Variants in COG1 observed in about 807,000 individuals in gnomAD.
COG1 encodes the protein conserved oligomeric Golgi complex subunit 1.
Under a neutral mutation model 102.2 loss-of-function variants are expected in COG1, and 61 were observed. The observed-to-expected ratio is 0.60, with a 90% CI of 0.49 to 0.74. The LOEUF is 0.74. Ranked by LOEUF, COG1 falls within the 30% of genes least tolerant of loss-of-function variation. The pLI, the probability that COG1 is intolerant of heterozygous loss-of-function variation, is 0.00. For missense variants in COG1, 1,164 were observed against 1,232.1 expected (o/e 0.94, Z 0.83); for synonymous variants, 454 against 493.6 (o/e 0.92, Z 1.06).
intron 4 of COG1, among the ~76,000 whole-genome samples, chr17:73,199,381 G>A (rs2061337425): frequency 6.6e-6 from 1 of 152,062 alleles, no homozygotes; most frequent in Non-Finnish European, 1.5e-5. Flanking sequence ...TTTGATCCCC[G>A]TTTTTGTTTC....
In COG1 at chr17:73,201,565, C is replaced by G; in HGVS notation, c.1738C>G (p.His580Asp). 2 of 1,614,218 alleles carry G rather than the reference C, an allele frequency of 1.2e-6. No individual in the cohort carries two copies. Among genetic ancestry groups the G allele is most frequent in the Non-Finnish European group, 1.7e-6 (2 of 1,180,040 alleles). ...LRTQSVACIK[H>D]IVDCIRAELQ... ...GACTCAGTCCGTGGCATGCATCAAG[C>G]ACATCGTGGACTGCATCCGGGCAGA... Residue 580 changes from histidine to aspartate, a missense_variant, in exon 7 of 14, where the codon CAC (histidine) becomes GAC (aspartate). By Grantham distance (81) the His-to-Asp change is moderately conservative. Coordinates refer to ENST00000299886, the MANE Select transcript of COG1 (RefSeq NM_018714.3).
intron 7 of COG1, among the ~76,000 whole-genome samples, chr17:73,202,619 A>G (rs534560861): frequency 1.9e-4 from 29 of 152,068 alleles, no homozygotes; most frequent in Non-Finnish European, 1.0e-4. Flanking sequence ...GAAACCCCCT[A>G]TCTACAAAAA....
At chr17:73,194,687 C>T (rs920472504) in intron 1 of COG1, among the ~76,000 whole-genome samples, 4 of 152,032 alleles carry the variant, frequency 2.6e-5, no homozygotes, top group Non-Finnish European at 5.9e-5. Flanking sequence ...TGGTCTCCAA[C>T]CCCTGACCTC....
intron 8 of COG1, 191 bp from the exon 9 acceptor site, chr17:73,203,441 G>C: frequency 1.3e-6 from 1 of 750,068 alleles, no homozygotes; most frequent in Non-Finnish European, 2.2e-6. Flanking sequence ...GCCTCAGACC[G>C]TGGAGGCAGT....
At position 73,203,682 on chromosome 17, in the gene COG1, T is replaced by A; in HGVS notation, c.2271T>A (p.Asn757Lys). ...TGTTTAGTTTATGCCAGGAAATTAA[T>A]CGGGTTGGAGGCCATGCCTTGCCAA... ...SFLFSLCQEI[N>K]RVGGHALPKV... Residue 757 changes from asparagine (N) to lysine (K), a missense_variant, in exon 9 of 14, where the codon AAT becomes AAA. Coordinates refer to ENST00000299886, the MANE Select transcript of COG1 (RefSeq NM_018714.3). 6.2e-7 allele frequency: 1 copy of A among 1,614,224 alleles called. No homozygotes were observed. Among genetic ancestry groups the A allele is most frequent in the Non-Finnish European group, 8.5e-7 (1 of 1,180,032 alleles).
intron 8 of COG1, chr17:73,203,372 GGAACCACTTACTTGCCGT>G: frequency 1.4e-6 from 1 of 713,064 alleles, no homozygotes; most frequent in Non-Finnish European, 2.3e-6. Flanking sequence ...TGCTAATTAG[GGAACCACTTACTTGCCGT>G]GAAATCAGCA....
intron 4 of COG1, 96 bp downstream of exon 4, chr17:73,197,492 A>T (rs1009963922): frequency 1.4e-6 from 2 of 1,379,360 alleles, no homozygotes; most frequent in Non-Finnish European, 1.0e-6. Flanking sequence ...GGCTCTGGGG[A>T]TGGAGCAGTG....
At chr17:73,207,870 C>T (rs1023185106) in intron 13 of COG1, 7 of 1,201,728 alleles carry the variant, frequency 5.8e-6, no homozygotes, top group African/African-American at 4.8e-5. Flanking sequence ...TCCCTACCAT[C>T]GAACCCATTA....
chr17:73,208,268 G>C, intron 13 of COG1, 46 bp from the exon 14 acceptor site: 2 of 1,611,568 alleles, frequency 1.2e-6, no homozygotes, highest in Non-Finnish European at 1.7e-6. Flanking sequence ...GTGGGCAGGA[G>C]GGCTCAGGCC....
chr17:73,206,471 A>T (rs1397774756), intron 11 of COG1, among the ~76,000 whole-genome samples: 2 of 152,134 alleles, frequency 1.3e-5, no homozygotes, highest in African/African-American at 4.8e-5. Context: ...TAAGTTGTAA[A>T]TAAGGATTAT....
chr17:73,208,086 T>C (rs2061390122), intron 13 of COG1: 2 of 1,426,538 alleles, frequency 1.4e-6, no homozygotes, highest in Non-Finnish European at 9.2e-7. Flanking sequence ...GTCTACCCTT[T>C]TCCCAAGACA....
chr17:73,207,972 C>T, intron 13 of COG1: 1 of 1,251,054 alleles, frequency 8.0e-7, no homozygotes. Flanking sequence ...CATCCAGTCC[C>T]TAAGCATGGG....
At chr17:73,203,465 A>C (rs1020332936) in intron 8 of COG1, 167 bp from the exon 9 acceptor site, 7 of 844,060 alleles carry the variant, frequency 8.3e-6, no homozygotes, top group Non-Finnish European at 7.7e-6. Context: ...AGCAAATTGC[A>C]CTTAACCAGG....
At chr17:73,202,231 C>T (rs908406546) in intron 7 of COG1, among the ~76,000 whole-genome samples, 2 of 151,954 alleles carry the variant, frequency 1.3e-5, no homozygotes, top group African/African-American at 2.4e-5. Flanking sequence ...CCCAGCTACT[C>T]GGAAGGCTGA....
intron 13 of COG1, 200 bp downstream of exon 13, chr17:73,207,456 C>T: frequency 1.4e-6 from 1 of 695,084 alleles, no homozygotes; most frequent in Non-Finnish European, 2.6e-6. Context: ...TGCCCGCTGA[C>T]ACTACCAAGT....
At position 73,205,607 on chromosome 17, in the gene COG1, C is replaced by G; in HGVS notation, c.2437C>G (p.Leu813Val). The G allele has an allele frequency of 6.2e-7, 1 of 1,614,140 alleles. No homozygotes were observed. Among genetic ancestry groups the G allele is most frequent in the Non-Finnish European group, 8.5e-7 (1 of 1,180,020 alleles). ...QNRALQLLYDLRYLNIVLTAK... is the reference protein window; with the variant it reads ...QNRALQLLYDVRYLNIVLTAK... The stretch of plus-strand genomic sequence containing the variant: ...CCGGGCGCTGCAGCTGCTTTATGAT[C>G]TGCGTTACCTCAACATTGTTCTGAC... Residue 813 changes from leucine (L) to valine (V), a missense_variant, in exon 10 of 14, where the codon CTG becomes GTG. By Grantham distance (32) the Leu-to-Val change is conservative. Transcript: ENST00000299886.
rs2061356261 is a variant in COG1 at position 73,203,676 on chromosome 17, A to C, written c.2265A>C (p.Glu755Asp). 2 of 1,614,068 alleles carry C rather than the reference A, an allele frequency of 1.2e-6. No homozygotes were observed. The highest frequency in any genetic ancestry group is 1.7e-6 in the Non-Finnish European group (2 of 1,180,042). Reference sequence around the variant, plus strand: ...CCTTCCTGTTTAGTTTATGCCAGGAAATTAATCGGGTTGGAGGCCATGCCT... The same window carrying C: ...CCTTCCTGTTTAGTTTATGCCAGGACATTAATCGGGTTGGAGGCCATGCCT... ...VQSFLFSLCQEINRVGGHALP... is the reference protein window; with the variant it reads ...VQSFLFSLCQDINRVGGHALP... Residue 755 changes from glutamate (E) to aspartate (D), a missense_variant, in exon 9 of 14, where the codon GAA becomes GAC. By Grantham distance (45) the Glu-to-Asp change is conservative (BLOSUM62 2). Coordinates refer to ENST00000299886, the MANE Select transcript of COG1 (RefSeq NM_018714.3).
At chr17:73,200,131 G>A in intron 5 of COG1, 110 bp downstream of exon 5, 1 of 1,318,746 alleles carries the variant, frequency 7.6e-7, no homozygotes, top group Non-Finnish European at 1.1e-6. Context: ...GTCCTGGATG[G>A]CGTGCTGCCC....
Position 73,206,627 on chromosome 17 carries a change from G to A in COG1, c.2620-81G>A, listed in dbSNP as rs2061373977. The stretch of plus-strand genomic sequence containing the variant: ...TGACAGTTAGAAATACGGTAGCGAT[G>A]GGTGACTAACCTTTTTTTTTTTTTT... On this transcript the variant is annotated intron_variant, in intron 11 of 13. Transcript: ENST00000299886. 11 of 896,710 alleles carry A rather than the reference G, an allele frequency of 1.2e-5. No homozygotes were observed. The Admixed American group carries it at 1.5e-4, about 13-fold the overall frequency. The allele number at this position is 896,710 out of a possible 1,614,324, so 55.5% of individuals were successfully genotyped here. A position where few individuals can be genotyped will look rare whatever the true frequency, so the allele number is the denominator to read the frequency against.
Sources: allele counts gnomAD v4.1 joint callset (sites outside exome capture counted in the v4.1 genomes callset), GRCh38; gene constraint gnomAD v4.1.1; transcripts MANE v1.5; gene names NCBI Gene and HGNC (gene_info 2026-07-23, HGNC 2026-07-21).